Variants in TTC28 observed in about 807,000 individuals in gnomAD.
The protein encoded by TTC28 is tetratricopeptide repeat domain 28.
Under a neutral mutation model 198.0 loss-of-function variants are expected in TTC28, and 61 were observed. The ratio of observed to expected loss-of-function variants is 0.31; its 90% CI spans 0.25 to 0.38. The LOEUF (loss-of-function observed/expected upper bound fraction) is 0.38. Ranked by LOEUF, TTC28 falls within the 10% of genes least tolerant of loss-of-function variation. The pLI is 1.00. For missense variants in TTC28, 2,678 were observed against 3,164.0 expected, an observed-to-expected ratio of 0.85 and a Z score of 3.69; for synonymous variants, 1,171 against 1,297.8, an observed-to-expected ratio of 0.90 and a Z score of 2.10.
At chr22:28,398,357 C>T (rs552750548) in intron 2 of TTC28, among the ~76,000 whole-genome samples, 43 of 152,130 alleles carry the variant, frequency 2.8e-4, no homozygotes, top group African/African-American at 9.6e-4. Context: ...GAGAGGGAGC[C>T]AGAAGAGGGG....
intron 2 of TTC28, among the ~76,000 whole-genome samples, chr22:28,423,602 A>G (rs1056981271): frequency 6.6e-6 from 1 of 152,200 alleles, no homozygotes; most frequent in Non-Finnish European, 1.5e-5. Flanking sequence ...ATAAACTCTA[A>G]AGTCCATTAA....
intron 2 of TTC28, among the ~76,000 whole-genome samples, chr22:28,509,562 T>C (rs1601487680): frequency 1.3e-5 from 2 of 152,306 alleles, no homozygotes; most frequent in East Asian, 3.9e-4. Flanking sequence ...TAGTATTACA[T>C]GCCCAAATCA....
At chr22:28,458,880 C>CAA (rs770042819) in intron 2 of TTC28, among the ~76,000 whole-genome samples, 4 of 105,336 alleles carry the variant, frequency 3.8e-5, no homozygotes, top group South Asian at 2.9e-4. Flanking sequence ...GACTCCATCT[C>CAA]AAAAAAAAAA....
intron 5 of TTC28, among the ~76,000 whole-genome samples, chr22:28,189,159 G>A (rs1197634051): frequency 6.6e-6 from 1 of 152,040 alleles, no homozygotes; most frequent in East Asian, 1.9e-4. Flanking sequence ...ACCATCCTGG[G>A]CAACATAGCA....
At position 28,203,702 on chromosome 22, in the gene TTC28, C is replaced by T. The variant is rs898082278; in HGVS notation, c.934-40103G>A. 2.0e-5 allele frequency among the ~76,000 whole-genome samples: 3 copies of T among 152,218 alleles called. No individual in the cohort carries two copies. The South Asian group carries it at 6.2e-4, about 32-fold the overall frequency. ...TAACTGTATTCTCCACCCCCAACCA[C>T]TCCCACCCACCTGCCTCTGTGGATT... is the stretch of plus-strand genomic sequence containing the variant. On this transcript the variant is annotated intron_variant, in intron 5 of 22. Transcript: ENST00000397906.
At chr22:28,567,507 T>TATATATATATATAC (rs1284068537) in intron 2 of TTC28, among the ~76,000 whole-genome samples, 1 of 134,614 alleles carries the variant, frequency 7.4e-6, no homozygotes, top group Non-Finnish European at 1.6e-5. Context: ...TATATATATA[T>TATATATATATATAC]ATGTTTTTAC....
At chr22:28,051,324 T>G (rs12170953) in intron 12 of TTC28, among the ~76,000 whole-genome samples, 1 of 152,140 alleles carries the variant, frequency 6.6e-6, no homozygotes, top group Non-Finnish European at 1.5e-5. Context: ...AAATTGAACT[T>G]TGGGTGAAAA....
intron 1 of TTC28, among the ~76,000 whole-genome samples, chr22:28,644,163 G>A (rs1170098971): frequency 6.6e-6 from 1 of 152,020 alleles, no homozygotes; most frequent in African/African-American, 2.4e-5. Flanking sequence ...ACTTTGGGAG[G>A]CCGAGGCAGG....
At chr22:28,618,441 G>A (rs1235389622) in intron 2 of TTC28, among the ~76,000 whole-genome samples, 2 of 152,052 alleles carry the variant, frequency 1.3e-5, no homozygotes, top group African/African-American at 4.8e-5. Context: ...AAGCACTTTG[G>A]GAGGCTGAGG....
intron 5 of TTC28, among the ~76,000 whole-genome samples, chr22:28,233,893 C>A (rs1929018179): frequency 6.6e-6 from 1 of 150,916 alleles, no homozygotes. Flanking sequence ...CACCCACCAC[C>A]ACACCTAGCA....
At chr22:28,419,972 T>TA (rs1435700426) in intron 2 of TTC28, among the ~76,000 whole-genome samples, 2 of 152,238 alleles carry the variant, frequency 1.3e-5, no homozygotes, top group Non-Finnish European at 2.9e-5. Context: ...TATCGGAAGT[T>TA]AAACAATTGA....
intron 2 of TTC28, among the ~76,000 whole-genome samples, chr22:28,453,546 A>G (rs1168841780): frequency 2.0e-5 from 3 of 152,182 alleles, no homozygotes; most frequent in African/African-American, 4.8e-5. Flanking sequence ...ATTTTATTTT[A>G]TATCAGTTAA....
chr22:28,337,687 T>G (rs2045753516), intron 2 of TTC28, among the ~76,000 whole-genome samples: 3 of 152,254 alleles, frequency 2.0e-5, no homozygotes, highest in Admixed American at 6.5e-5. Flanking sequence ...GTTTTCCATT[T>G]GCTTGGTAGA....
intron 2 of TTC28, among the ~76,000 whole-genome samples, chr22:28,316,891 T>A (rs113804070): frequency 5.9e-5 from 9 of 152,252 alleles, no homozygotes; most frequent in African/African-American, 2.2e-4. Context: ...TTAAGCCTCC[T>A]GCATAGCTGG....
chr22:27,985,537 C>A (rs927391471), intron 21 of TTC28, among the ~76,000 whole-genome samples, 181 bp from the exon 22 acceptor site: 2 of 152,236 alleles, frequency 1.3e-5, no homozygotes, highest in African/African-American at 4.8e-5. Flanking sequence ...AGGGGTCGGG[C>A]TGCCCCACCC....
At chr22:28,246,912 C>T (rs368768763) in intron 5 of TTC28, among the ~76,000 whole-genome samples, 57 of 152,010 alleles carry the variant, frequency 3.7e-4, no homozygotes, top group African/African-American at 1.4e-3. Flanking sequence ...AAAGGAAGAT[C>T]TATACACCCC....
At position 27,981,506 on chromosome 22, in the gene TTC28, T is replaced by C. The variant is rs906606745; in HGVS notation, c.*715A>G. ...CACAATTGCATAGTTCTAAAATGCC[T>C]GGATAAGAGTTACATAATTTTTTTT... On this transcript the variant is annotated 3_prime_UTR_variant, in exon 23 of 23. Transcript: ENST00000397906. 5 of 152,158 alleles carry C rather than the reference T, an allele frequency of 3.3e-5. No individual in the cohort carries two copies. The highest frequency in any genetic ancestry group is 1.3e-4 in the Admixed American group (2 of 15,288). 9.4% of individuals were successfully genotyped at this position (152,158 alleles called of 1,614,324 possible).
chr22:28,393,562 T>G (rs1341067169), intron 2 of TTC28, among the ~76,000 whole-genome samples: 1 of 151,898 alleles, frequency 6.6e-6, no homozygotes, highest in Non-Finnish European at 1.5e-5. Context: ...AGTATAGTGG[T>G]GCATGCCTTT....
chr22:28,038,832 A>T (rs1939477517), intron 12 of TTC28, among the ~76,000 whole-genome samples: 1 of 152,226 alleles, frequency 6.6e-6, no homozygotes, highest in Admixed American at 6.5e-5. Flanking sequence ...AGAAAATAAC[A>T]AACAACCCCA....
Sources: allele counts gnomAD v4.1 joint callset (sites outside exome capture counted in the v4.1 genomes callset), GRCh38; gene constraint gnomAD v4.1.1; transcripts MANE v1.5; gene names NCBI Gene and HGNC (gene_info 2026-07-23, HGNC 2026-07-21).